The following ANK3 variants were observed in gnomAD, a reference collection of about 807,000 sequenced individuals.
ANK3 encodes the protein ankyrin 3.
ANK3 carries 57 observed loss-of-function variants against 370.9 expected under a neutral mutation model. The observed-to-expected ratio is 0.15, with a 90% CI of 0.12 to 0.19. ANK3 has a LOEUF of 0.19. Ranked by LOEUF, ANK3 falls within the 10% of genes least tolerant of loss-of-function variation. The pLI is 1.00. For missense variants in ANK3, 4,439 were observed against 5,302.1 expected, an observed-to-expected ratio of 0.84 and a Z score of 5.06; for synonymous variants, 1,929 against 1,946.3, an observed-to-expected ratio of 0.99 and a Z score of 0.23.
intron 7 of ANK3, among the ~76,000 whole-genome samples, chr10:60,248,631 T>C (rs1458145906): frequency 6.6e-6 from 1 of 152,196 alleles, no homozygotes; most frequent in Non-Finnish European, 1.5e-5. Flanking sequence ...GGACCTCTAC[T>C]TTGTGCAGGC....
chr10:60,372,525 C>A (rs1303698036), intron 1 of ANK3, among the ~76,000 whole-genome samples: 1 of 152,098 alleles, frequency 6.6e-6, no homozygotes, highest in African/African-American at 2.4e-5. Flanking sequence ...TGACAGGGTG[C>A]TAGGTTTAGT....
chr10:60,484,553 TA>T (rs1457437205), intron 2 of ANK3, among the ~76,000 whole-genome samples: 2 of 150,366 alleles, frequency 1.3e-5, no homozygotes, highest in South Asian at 4.4e-4. Context: ...TATTCTCTGT[TA>T]AAAAAAATCT....
intron 1 of ANK3, 66 bp downstream of exon 1, chr10:60,389,359 G>A: frequency 6.9e-7 from 1 of 1,459,044 alleles, no homozygotes; most frequent in Non-Finnish European, 9.5e-7. Context: ...GCTTCTAACA[G>A]ATGCCAGAGG....
At chr10:60,617,456 C>T (rs574374624) in intron 1 of ANK3, among the ~76,000 whole-genome samples, 82 of 152,258 alleles carry the variant, frequency 5.4e-4, no homozygotes, top group African/African-American at 1.9e-3. Flanking sequence ...GCAAAATTTG[C>T]TTTGAGGCAC....
At chr10:60,400,350 C>A (rs544534690) in intron 2 of ANK3, among the ~76,000 whole-genome samples, 2 of 152,124 alleles carry the variant, frequency 1.3e-5, no homozygotes, top group African/African-American at 4.8e-5. Flanking sequence ...AATGCTGATT[C>A]GGCTTCCAAC....
At chr10:60,654,252 T>G (rs939983889) in intron 1 of ANK3, among the ~76,000 whole-genome samples, 2 of 152,218 alleles carry the variant, frequency 1.3e-5, no homozygotes, top group African/African-American at 4.8e-5. Flanking sequence ...ACAAGTATGT[T>G]GTCTACAAAT....
intron 28 of ANK3, among the ~76,000 whole-genome samples, chr10:60,094,162 A>G (rs964176423): frequency 3.3e-5 from 5 of 151,300 alleles, no homozygotes; most frequent in Admixed American, 2.6e-4. Flanking sequence ...TACATGATGA[A>G]ATGGAGAAAC....
chr10:60,652,205 T>C (rs1026943341), intron 1 of ANK3, among the ~76,000 whole-genome samples: 1 of 151,862 alleles, frequency 6.6e-6, no homozygotes, highest in Non-Finnish European at 1.5e-5. Context: ...GCCCAGGAGT[T>C]CAAGACAGAG....
At chr10:60,697,558 A>G (rs1429864935) in intron 1 of ANK3, among the ~76,000 whole-genome samples, 1 of 146,720 alleles carries the variant, frequency 6.8e-6, no homozygotes, top group East Asian at 2.0e-4. Context: ...AAACAGAGAT[A>G]TAGATCAATG....
At chr10:60,463,256 A>G (rs1014441052) in intron 2 of ANK3, among the ~76,000 whole-genome samples, 23 of 152,268 alleles carry the variant, frequency 1.5e-4, no homozygotes, top group Admixed American at 9.2e-4. Flanking sequence ...CTTGTTCCAT[A>G]AGTTTTCTTA....
chr10:60,418,431 G>A (rs1298823409), intron 2 of ANK3, among the ~76,000 whole-genome samples: 3 of 151,984 alleles, frequency 2.0e-5, no homozygotes, highest in Non-Finnish European at 4.4e-5. Context: ...AGTACCCTTT[G>A]TCTTTGCTTT....
intron 1 of ANK3, among the ~76,000 whole-genome samples, chr10:60,713,835 C>A (rs2079744086): frequency 1.3e-5 from 2 of 151,764 alleles, no homozygotes; most frequent in South Asian, 4.2e-4. Context: ...GGCTACAGTG[C>A]AGCCTGGGCA....
Position 60,075,897 on chromosome 10 carries a change from A to G in ANK3, c.4984T>C (p.Ser1662Pro). ...NMYSSSLPFK[S>P]IITSAAPLIS... ...AGCGGTGCTGCTGATGTAATAATTG[A>G]CTTAAATGGCAAACTTGAGGAATAC... The change falls in exon 37 of 44, where the codon TCA (serine) becomes CCA (proline). Residue 1662 changes from serine (S) to proline (P), a missense_variant. By Grantham distance (74) the Ser-to-Pro change is moderately conservative. This residue lies in a region of ANK3 where 679 missense variants were observed against 791.0 expected (regional missense o/e 0.86). Coordinates refer to ENST00000280772, the MANE Select transcript of ANK3 (RefSeq NM_020987.5). 1 of 1,614,122 alleles carries G rather than the reference A, an allele frequency of 6.2e-7. No homozygotes were observed. Among genetic ancestry groups the G allele is most frequent in the Non-Finnish European group, 8.5e-7 (1 of 1,180,006 alleles).
intron 2 of ANK3, among the ~76,000 whole-genome samples, chr10:60,405,634 T>A: frequency 6.6e-6 from 1 of 152,174 alleles, no homozygotes; most frequent in South Asian, 2.1e-4. Context: ...CATTCCATTG[T>A]ATGTAAATTT....
chr10:60,052,323 G>A (rs573527522), intron 42 of ANK3, among the ~76,000 whole-genome samples: 9 of 152,168 alleles, frequency 5.9e-5, no homozygotes, highest in Admixed American at 6.5e-5. Context: ...GCAAGACTCC[G>A]TCTCAACAAC....
At chr10:60,212,886 A>C (rs1217442107) in intron 9 of ANK3, among the ~76,000 whole-genome samples, 2 of 152,138 alleles carry the variant, frequency 1.3e-5, no homozygotes, top group African/African-American at 4.8e-5. Context: ...AAAAAGTCTA[A>C]AAGAGAGTCA....
At chr10:60,031,186 T>C (rs899406840) in intron 43 of ANK3, among the ~76,000 whole-genome samples, 3 of 152,206 alleles carry the variant, frequency 2.0e-5, no homozygotes, top group African/African-American at 7.2e-5. Flanking sequence ...GAAATTTCTT[T>C]TCCATAACCA....
At chr10:60,489,633 T>C (rs573527874) in intron 2 of ANK3, among the ~76,000 whole-genome samples, 64 of 152,312 alleles carry the variant, frequency 4.2e-4, no homozygotes, top group African/African-American at 1.5e-3. Context: ...CATGACTGTG[T>C]TGCTTTTCAA....
intron 1 of ANK3, among the ~76,000 whole-genome samples, chr10:60,641,325 C>T (rs1268714500): frequency 2.6e-5 from 4 of 151,772 alleles, no homozygotes; most frequent in African/African-American, 9.7e-5. Context: ...ATCGCCAAGT[C>T]AATCCTAAGC....
Sources: gnomAD v4.1 joint callset for allele counts (sites outside exome capture counted in the v4.1 genomes callset) on GRCh38, gnomAD v4.1.1 for gene constraint, gnomAD v4.1.1 regional missense constraint, MANE v1.5 for transcripts, NCBI Gene and HGNC (gene_info 2026-07-23, HGNC 2026-07-21) for gene names.